Variants in RCC2 observed in about 807,000 individuals in gnomAD.
RCC2 encodes the protein regulator of chromosome condensation 2.
RCC2 carries 19 observed loss-of-function variants against 64.1 expected under a neutral mutation model. The ratio of observed to expected loss-of-function variants is 0.30; its 90% CI spans 0.21 to 0.44. The LOEUF is 0.44. Among genes scored for constraint, RCC2 ranks in the 20% least tolerant of loss-of-function variants. The pLI, the probability that RCC2 is intolerant of heterozygous loss-of-function variation, is 1.00. For synonymous variants in RCC2, 325 were observed against 279.6 expected, an observed-to-expected ratio of 1.16 and a Z score of -1.62; for missense variants, 508 against 710.4, an observed-to-expected ratio of 0.72 and a Z score of 3.24.
intron 5 of RCC2, 76 bp downstream of exon 5, chr1:17,422,629 C>T: frequency 1.3e-6 from 2 of 1,572,526 alleles, no homozygotes; most frequent in South Asian, 2.2e-5. Flanking sequence ...ACTCCACCAC[C>T]CCACGCCCCA....
chr1:17,413,270 G>T, intron 9 of RCC2, 92 bp from the exon 10 acceptor site: 2 of 995,210 alleles, frequency 2.0e-6, no homozygotes, highest in Non-Finnish European at 3.1e-6. Flanking sequence ...AGGACGGGAT[G>T]GCAAACAAGT....
Position 17,422,719 on chromosome 1 carries a change from G to A in RCC2, c.641C>T (p.Thr214Ile). 6.2e-7 allele frequency: 1 copy of A among 1,614,106 alleles called. No homozygotes were observed. Among genetic ancestry groups the A allele is most frequent in the Non-Finnish European group, 8.5e-7 (1 of 1,180,012 alleles). ...CACCTCCTTACCCGTCAAGGCCAAG[G>A]TGTGGTTCCGCCCACATGCTGCAGA... ...IVSAACGRNH[T>I]LALTETGSVF... Residue 214 changes from threonine to isoleucine, a missense_variant, in exon 5 of 13, where the codon ACC (threonine) becomes ATC (isoleucine). Coordinates refer to ENST00000375436, the MANE Select transcript of RCC2 (RefSeq NM_018715.4).
At chr1:17,426,906 G>A (rs1487956747) in intron 3 of RCC2, among the ~76,000 whole-genome samples, 1 of 151,976 alleles carries the variant, frequency 6.6e-6, no homozygotes, top group African/African-American at 2.4e-5. Flanking sequence ...GGGATTACAG[G>A]CGTGTGCCAT....
intron 7 of RCC2, 149 bp downstream of exon 7, chr1:17,420,565 G>T: frequency 2.0e-6 from 1 of 489,222 alleles, no homozygotes; most frequent in Non-Finnish European, 3.7e-6. Flanking sequence ...GCGCTGTTCT[G>T]CTGAACGTGA....
At chr1:17,409,853 G>A (rs2075405885) in intron 12 of RCC2, 121 bp downstream of exon 12, 3 of 847,972 alleles carry the variant, frequency 3.5e-6, no homozygotes, top group Non-Finnish European at 6.0e-6. Context: ...GAGACACCAG[G>A]AAAGCCAGCT....
At chr1:17,432,238 A>T (rs2075690123) in intron 2 of RCC2, among the ~76,000 whole-genome samples, 1 of 152,192 alleles carries the variant, frequency 6.6e-6, no homozygotes, top group African/African-American at 2.4e-5. Flanking sequence ...CTTGAATTGG[A>T]GCCTAGCTTC....
In RCC2 at chr1:17,409,214, T is replaced by C. The variant is rs377450413; in HGVS notation, c.1465-20A>G. On this transcript the variant is annotated intron_variant, in intron 12 of 12. Coordinates refer to ENST00000375436, the MANE Select transcript of RCC2 (RefSeq NM_018715.4). ...GGCGACCTGGGGGGACAAATCAGCG[T>C]TGGGTGTGCCTGAGGCGCCTGGACT... 349 of 1,541,030 alleles carry C rather than the reference T, an allele frequency of 2.3e-4. 3 individuals are homozygous for C. In the South Asian group the frequency reaches 3.6e-3, roughly 16 times the overall value.
At chr1:17,420,032 C>T (rs2075537553) in intron 7 of RCC2, among the ~76,000 whole-genome samples, 1 of 152,210 alleles carries the variant, frequency 6.6e-6, no homozygotes, top group Non-Finnish European at 1.5e-5. Flanking sequence ...CAGCAGAGGG[C>T]GCCCGCGCCA....
At chr1:17,413,447 G>C (rs1180473015) in intron 9 of RCC2, 90 bp downstream of exon 9, 13 of 1,315,306 alleles carry the variant, frequency 9.9e-6, no homozygotes, top group Non-Finnish European at 3.2e-6. Context: ...GGGAGGTAAA[G>C]AGAATTGGGG....
chr1:17,435,800 C>T lies in RCC2; in HGVS notation c.285+2430G>A, dbSNP rs572881146. Among the ~76,000 whole-genome samples the T allele has an allele frequency of 3.8e-4, 58 of 152,176 alleles. No homozygotes were observed. The South Asian group carries it at 9.6e-3, about 25-fold the overall frequency. On this transcript the variant is annotated intron_variant, in intron 2 of 12. Coordinates refer to ENST00000375436, the MANE Select transcript of RCC2 (RefSeq NM_018715.4). ...AGGTGTGGTGGTGGGCGTCTATAATCCCAGCTACTCGGGAGGCTGAGGCAG... is the reference window on the plus strand; with the variant it reads ...AGGTGTGGTGGTGGGCGTCTATAATTCCAGCTACTCGGGAGGCTGAGGCAG...
chr1:17,436,832 T>A lies in RCC2; in HGVS notation c.285+1398A>T, dbSNP rs568846591. Among the ~76,000 whole-genome samples the A allele has an allele frequency of 2.6e-5, 4 of 152,304 alleles. No homozygotes were observed. In the East Asian group the frequency reaches 7.7e-4, roughly 29 times the overall value. ...TTTAGTTTCATCCTAACATACTGTG[T>A]TCGGAGGGCAAATGTCTGGAGTCTG... On this transcript the variant is annotated intron_variant, in intron 2 of 12. Coordinates refer to ENST00000375436, the MANE Select transcript of RCC2 (RefSeq NM_018715.4).
intron 7 of RCC2, among the ~76,000 whole-genome samples, chr1:17,417,398 T>TGGGCCA (rs972128779): frequency 1.3e-5 from 2 of 152,216 alleles, no homozygotes; most frequent in African/African-American, 4.8e-5. Flanking sequence ...TTGGGCACGG[T>TGGGCCA]GGGCCACGCC....
intron 12 of RCC2, 92 bp from the exon 13 acceptor site, chr1:17,409,286 T>A (rs1407727849): frequency 3.9e-5 from 33 of 838,278 alleles, no homozygotes; most frequent in Non-Finnish European, 2.9e-5. Flanking sequence ...CTAAAGCGGG[T>A]CAGCATGGAG....
intron 10 of RCC2, among the ~76,000 whole-genome samples, chr1:17,412,420 G>A (rs904269705): frequency 6.6e-6 from 1 of 152,200 alleles, no homozygotes; most frequent in African/African-American, 2.4e-5. Flanking sequence ...CAGGCCTAGG[G>A]GCCAAAGGCA....
intron 6 of RCC2, 58 bp downstream of exon 6, chr1:17,422,145 C>G: frequency 7.6e-7 from 1 of 1,319,094 alleles, no homozygotes. Context: ...CTTAGAAAAT[C>G]AAACACAAAA....
chr1:17,416,687 C>A (rs371364841), intron 7 of RCC2, 41 bp from the exon 8 acceptor site: 1 of 1,580,804 alleles, frequency 6.3e-7, no homozygotes, highest in Non-Finnish European at 8.6e-7. Context: ...GCAGCACAAG[C>A]ACAAGGGACG....
At chr1:17,420,106 T>G (rs1330773378) in intron 7 of RCC2, among the ~76,000 whole-genome samples, 2 of 152,122 alleles carry the variant, frequency 1.3e-5, no homozygotes, top group Non-Finnish European at 2.9e-5. Context: ...GGAAGCGCAC[T>G]TCAGGGAACC....
At chr1:17,420,361 T>C (rs999528315) in intron 7 of RCC2, among the ~76,000 whole-genome samples, 2 of 152,222 alleles carry the variant, frequency 1.3e-5, no homozygotes, top group Admixed American at 1.3e-4. Context: ...TTTCCGTAAT[T>C]TTCTCATTTT....
intron 8 of RCC2, 125 bp from the exon 9 acceptor site, chr1:17,413,842 T>C (rs2075452583): frequency 1.1e-6 from 1 of 884,966 alleles, no homozygotes; most frequent in African/African-American, 1.7e-5. Context: ...ACATTCAAGA[T>C]CCCCTACCAG....
Sources: allele counts gnomAD v4.1 joint callset (sites outside exome capture counted in the v4.1 genomes callset), GRCh38; gene constraint gnomAD v4.1.1; transcripts MANE v1.5; gene names NCBI Gene and HGNC (gene_info 2026-07-23, HGNC 2026-07-21).